The following ZFAND3 variants were observed in gnomAD, a reference collection of about 807,000 sequenced individuals.
ZFAND3 encodes AN1-type zinc finger protein 3.
ZFAND3 carries 10 observed loss-of-function variants against 29.6 expected under a neutral mutation model. That is an observed-to-expected ratio of 0.34 (90% CI 0.21 to 0.57). The LOEUF (loss-of-function observed/expected upper bound fraction) is 0.57, where lower values mean the gene tolerates loss of function less well. ZFAND3 is among the 20% of genes least tolerant of loss of function. The probability of loss-of-function intolerance (pLI) is 0.86; values close to 1 mark genes in which losing one functional copy is unlikely to be tolerated. For synonymous variants in ZFAND3, 128 were observed against 112.6 expected (o/e 1.14, Z -0.87); for missense variants, 230 against 304.5 (o/e 0.76, Z 1.82).
At chr6:37,856,929 A>T (rs920983631) in intron 1 of ZFAND3, among the ~76,000 whole-genome samples, 2 of 148,818 alleles carry the variant, frequency 1.3e-5, no homozygotes, top group African/African-American at 2.4e-5. Context: ...GATTAATATT[A>T]TTTATTGTTT....
intron 5 of ZFAND3, among the ~76,000 whole-genome samples, chr6:38,144,529 G>A (rs1766063790): frequency 6.6e-6 from 1 of 152,214 alleles, no homozygotes; most frequent in Non-Finnish European, 1.5e-5. Flanking sequence ...GGGGTGGTGA[G>A]CAGGTGCCTC....
chr6:37,863,256 C>T (rs903433837), intron 1 of ZFAND3, among the ~76,000 whole-genome samples: 1 of 152,226 alleles, frequency 6.6e-6, no homozygotes, highest in African/African-American at 2.4e-5. Context: ...GAAGGAAACC[C>T]ACATTCCACA....
chr6:38,017,055 A>G (rs1019254829), intron 2 of ZFAND3, among the ~76,000 whole-genome samples: 2 of 152,220 alleles, frequency 1.3e-5, no homozygotes, highest in Non-Finnish European at 2.9e-5. Flanking sequence ...GGAAGTATAC[A>G]TTGCTATCTG....
At chr6:37,846,580 A>C (rs182710501) in intron 1 of ZFAND3, among the ~76,000 whole-genome samples, 103 of 152,298 alleles carry the variant, frequency 6.8e-4, no homozygotes, top group Non-Finnish European at 1.3e-3. Flanking sequence ...GACGTTGCAG[A>C]TATTTACTCC....
At chr6:38,071,117 T>C (rs1764446076) in intron 3 of ZFAND3, among the ~76,000 whole-genome samples, 1 of 151,692 alleles carries the variant, frequency 6.6e-6, no homozygotes, top group Non-Finnish European at 1.5e-5. Flanking sequence ...GTTACATATA[T>C]GTAAAAAAAG....
intron 2 of ZFAND3, among the ~76,000 whole-genome samples, chr6:37,984,307 C>T (rs1283039675): frequency 1.3e-5 from 2 of 152,092 alleles, no homozygotes; most frequent in Non-Finnish European, 1.5e-5. Context: ...GAAACTAAAA[C>T]AAAAATTGAG....
intron 1 of ZFAND3, among the ~76,000 whole-genome samples, chr6:37,910,014 G>A (rs569473643): frequency 5.9e-5 from 9 of 152,290 alleles, no homozygotes; most frequent in South Asian, 2.1e-4. Context: ...CATGATTTGC[G>A]TTTTTAAATG....
intron 2 of ZFAND3, among the ~76,000 whole-genome samples, chr6:37,936,939 A>C (rs1255361845): frequency 6.6e-6 from 1 of 152,230 alleles, no homozygotes; most frequent in Non-Finnish European, 1.5e-5. Flanking sequence ...CAAAATGCTA[A>C]CATTTTTCTT....
chr6:38,135,078 C>G (rs1765813917), intron 5 of ZFAND3, among the ~76,000 whole-genome samples: 1 of 152,148 alleles, frequency 6.6e-6, no homozygotes, highest in African/African-American at 2.4e-5. Flanking sequence ...AGTCGTGTTG[C>G]TTAGTGAGCT....
chr6:37,907,527 G>A (rs3852217), intron 1 of ZFAND3, among the ~76,000 whole-genome samples: 3,909 of 152,140 alleles, frequency 0.026, 187 homozygotes, highest in African/African-American at 0.088. Flanking sequence ...ACGTGTTTTT[G>A]TGGTTCATCT....
chr6:38,017,039 G>A (rs944461858), intron 2 of ZFAND3, among the ~76,000 whole-genome samples: 18 of 152,092 alleles, frequency 1.2e-4, no homozygotes, highest in Admixed American at 8.5e-4. Flanking sequence ...CATCACATTG[G>A]GAAGTGGAAG....
chr6:37,900,776 A>G (rs939154860), intron 1 of ZFAND3, among the ~76,000 whole-genome samples: 2 of 152,188 alleles, frequency 1.3e-5, no homozygotes, highest in African/African-American at 4.8e-5. Flanking sequence ...TGGGGCAAGA[A>G]TAAAATAATT....
intron 2 of ZFAND3, among the ~76,000 whole-genome samples, chr6:37,981,902 AGTACAT>A (rs1762586978): frequency 6.6e-6 from 1 of 152,210 alleles, no homozygotes; most frequent in East Asian, 1.9e-4. Context: ...TACATCAGTC[AGTACAT>A]GTAAGATTTA....
intron 1 of ZFAND3, among the ~76,000 whole-genome samples, chr6:37,880,007 A>G (rs778603545): frequency 3.3e-5 from 5 of 152,240 alleles, no homozygotes; most frequent in Non-Finnish European, 5.9e-5. Flanking sequence ...ACCAGCTTTT[A>G]GAGGTTGTGA....
intron 4 of ZFAND3, among the ~76,000 whole-genome samples, chr6:38,111,820 C>G (rs1765323075): frequency 6.6e-6 from 1 of 152,108 alleles, no homozygotes; most frequent in Non-Finnish European, 1.5e-5. Context: ...TCAGCTGTAA[C>G]AGGGGTCAGC....
At chr6:38,048,202 C>T (rs144288719) in intron 2 of ZFAND3, among the ~76,000 whole-genome samples, 131 of 152,006 alleles carry the variant, frequency 8.6e-4, no homozygotes, top group African/African-American at 2.5e-3. Flanking sequence ...TACAGGGTTT[C>T]GCCATGTCCA....
chr6:38,132,021 C>T (rs144755519), intron 5 of ZFAND3, among the ~76,000 whole-genome samples: 9 of 152,282 alleles, frequency 5.9e-5, no homozygotes, highest in African/African-American at 1.9e-4. Context: ...GTGTTTCCCC[C>T]CCACCAATTT....
chr6:37,948,887 T>C lies in ZFAND3; in HGVS notation c.112+18888T>C, dbSNP rs547465318. Among the ~76,000 whole-genome samples, 28 of 152,338 alleles carry C rather than the reference T, an allele frequency of 1.8e-4. No individual in the cohort carries two copies. In the South Asian group the frequency reaches 3.3e-3, roughly 18 times the overall value. ...GGCATTTAGGTTGATTCCATGTCTT[T>C]GCTATTATGAATAGTGCTGCAATGA... On this transcript the variant is annotated intron_variant, in intron 2 of 5. Transcript: ENST00000287218.
At chr6:38,104,170 A>G (rs1186504365) in intron 4 of ZFAND3, among the ~76,000 whole-genome samples, 1 of 152,156 alleles carries the variant, frequency 6.6e-6, no homozygotes, top group African/African-American at 2.4e-5. Flanking sequence ...GCTCCTGGCA[A>G]TGCCCTTTCA....
Sources: allele counts gnomAD v4.1 joint callset (sites outside exome capture counted in the v4.1 genomes callset), GRCh38; gene constraint gnomAD v4.1.1; transcripts MANE v1.5; gene names NCBI Gene and HGNC (gene_info 2026-07-23, HGNC 2026-07-21).